The following LY75 variants were observed in gnomAD, a reference collection of about 807,000 sequenced individuals.
LY75 encodes the protein C-type lectin domain family 13 member B.
LY75 carries 185 observed loss-of-function variants against 231.7 expected under a neutral mutation model. The observed-to-expected ratio is 0.80, with a 90% confidence interval of 0.71 to 0.90. LY75 has a LOEUF of 0.90. LY75 is among the 40% of genes least tolerant of loss of function. LY75 has a pLI of 0.00. For missense variants in LY75, 1,947 were observed against 2,050.2 expected, an observed-to-expected ratio of 0.95 and a Z score of 0.97; for synonymous variants, 668 against 689.0, an observed-to-expected ratio of 0.97 and a Z score of 0.48.
In LY75 at chr2:159,840,850, C is replaced by A. The variant is rs1684002948; in HGVS notation, c.3386G>T (p.Arg1129Met). The A allele has an allele frequency of 6.2e-7, 1 of 1,614,076 alleles. No homozygotes were observed. The highest frequency in any genetic ancestry group is 8.5e-7 in the Non-Finnish European group (1 of 1,179,976). Reference protein sequence around the residue: ...PKTLTWHSAKRECLKSNMQLV... With the variant: ...PKTLTWHSAKMECLKSNMQLV... Reference sequence around the variant, plus strand: ...CTGCATGTTACTTTTCAGACACTCCCTTTTAGCACTGTGCCAAGTCAGAGT... The same window carrying A: ...CTGCATGTTACTTTTCAGACACTCCATTTTAGCACTGTGCCAAGTCAGAGT... Residue 1129 changes from arginine to methionine, a missense_variant, in exon 25 of 35, where the codon AGG (arginine) becomes ATG (methionine). By Grantham distance (91) the Arg-to-Met change is moderately conservative. Transcript: ENST00000263636.
At chr2:159,875,689 T>C (rs776508459) in intron 11 of LY75, 46 bp from the exon 12 acceptor site, 81 of 1,604,500 alleles carry the variant, frequency 5.0e-5, no homozygotes, top group Non-Finnish European at 6.7e-5. Context: ...AACGTTAAAG[T>C]TCAAACATTT....
At chr2:159,854,252 TA>T (rs1684482679) in intron 18 of LY75, 107 bp downstream of exon 18, 1 of 865,542 alleles carries the variant, frequency 1.2e-6, no homozygotes, top group Admixed American at 4.2e-5. Context: ...GATTTTACAT[TA>T]AAGAAAAATT....
At position 159,805,195 on chromosome 2, in the gene LY75, A is replaced by G; in HGVS notation, c.5018T>C (p.Ile1673Thr). The G allele has an allele frequency of 3.1e-6, 5 of 1,614,142 alleles. No individual in the cohort carries two copies. The highest frequency in any genetic ancestry group is 1.6e-4 in the Middle Eastern group (1 of 6,062). Residue 1673 changes from isoleucine to threonine, a missense_variant, in exon 35 of 35, where the codon ATA becomes ACA. Physicochemically the swap from Ile to Thr is moderately conservative, Grantham distance 89. Transcript: ENST00000263636. ...AACTAAGATACTTAGTGTGGCAACT[A>G]TGATAGCTATTGCTGTGTAATCAGG... The part of the protein sequence containing the change: ...LGPDYTAIAI[I>T]VATLSILVLM...
intron 16 of LY75, among the ~76,000 whole-genome samples, chr2:159,855,354 T>C (rs1439758013): frequency 1.3e-5 from 2 of 152,198 alleles, no homozygotes; most frequent in Non-Finnish European, 2.9e-5. Context: ...CACTTCTGCA[T>C]CTAATGAAAC....
chr2:159,810,447 T>C, intron 32 of LY75, 79 bp downstream of exon 32: 1 of 1,540,096 alleles, frequency 6.5e-7, no homozygotes, highest in Non-Finnish European at 8.8e-7. Context: ...AAAAATACAA[T>C]CATTGCTTCA....
At position 159,810,686 on chromosome 2, in the gene LY75, G is replaced by A. The variant is rs369513798; in HGVS notation, c.4550-11C>T. On this transcript the variant is annotated splice_polypyrimidine_tract_variant and intron_variant, in intron 31 of 34. Coordinates refer to ENST00000263636, the MANE Select transcript of LY75 (RefSeq NM_002349.4). ...GGGACAGCTTTTTAGCTATAAAAAT[G>A]TTAGACACAGTTGTAACAATGCATG... 5 of 1,606,910 alleles carry A rather than the reference G, an allele frequency of 3.1e-6. No individual in the cohort carries two copies. The African/African-American group carries it at 5.4e-5, about 17-fold the overall frequency.
intron 1 of LY75, chr2:159,902,650 T>C (rs1331476733): frequency 3.3e-5 from 5 of 152,222 alleles, no homozygotes; most frequent in Non-Finnish European, 7.3e-5. Flanking sequence ...GTCTCTACCA[T>C]GTGTTCGGAA....
chr2:159,824,022 A>AT, intron 28 of LY75, among the ~76,000 whole-genome samples: 1 of 152,226 alleles, frequency 6.6e-6, no homozygotes, highest in Admixed American at 6.5e-5. Flanking sequence ...CATTCACACT[A>AT]TGAAGAAACT....
intron 28 of LY75, among the ~76,000 whole-genome samples, chr2:159,828,896 C>T (rs949558382): frequency 6.6e-5 from 10 of 152,000 alleles, no homozygotes; most frequent in South Asian, 6.2e-4. Context: ...GCCAGTCACA[C>T]GCAAAAAGCA....
intron 23 of LY75, among the ~76,000 whole-genome samples, chr2:159,846,226 AAC>A (rs1254895424): frequency 6.6e-6 from 1 of 151,848 alleles, no homozygotes. Context: ...GGAAAAAAAA[AAC>A]ACACAAAAAA....
chr2:159,875,172 A>G (rs749798147), intron 12 of LY75, among the ~76,000 whole-genome samples: 9 of 151,804 alleles, frequency 5.9e-5, no homozygotes, highest in Admixed American at 1.3e-4. Flanking sequence ...GCAGTATGGC[A>G]TATAGTACAC....
At position 159,875,618 on chromosome 2, in the gene LY75, CAT is replaced by C. The variant is rs758759130; in HGVS notation, c.1798_1799del (p.Met600ValfsTer33). The C allele has an allele frequency of 1.9e-5, 30 of 1,613,784 alleles. No homozygotes were observed. In the Middle Eastern group the frequency reaches 1.3e-3, roughly 71 times the overall value. On this transcript the variant is annotated frameshift_variant, in exon 12 of 35. Coordinates refer to ENST00000263636, the MANE Select transcript of LY75 (RefSeq NM_002349.4). LOFTEE classifies it high-confidence loss of function. ...EPASPGGCVA[M>X]STGKSVGKWE... ...ACTTTCCAACAGACTTTCCAGTAGACATAGCCACGCAGCCGCCCGGGGAAGCT... is the reference window on the plus strand; with the variant it reads ...ACTTTCCAACAGACTTTCCAGTAGACAGCCACGCAGCCGCCCGGGGAAGCT...
intron 26 of LY75, among the ~76,000 whole-genome samples, 156 bp downstream of exon 26, chr2:159,835,324 G>A (rs1000070654): frequency 6.6e-6 from 1 of 151,978 alleles, no homozygotes; most frequent in Non-Finnish European, 1.5e-5. Context: ...AATTCTACTT[G>A]AATACAAATT....
intron 25 of LY75, among the ~76,000 whole-genome samples, chr2:159,837,540 G>A (rs941504348): frequency 6.6e-5 from 10 of 152,154 alleles, no homozygotes; most frequent in Admixed American, 6.5e-4. Context: ...ATTGGGTACT[G>A]TGTTCACTAT....
intron 12 of LY75, among the ~76,000 whole-genome samples, chr2:159,874,300 A>AAT (rs376406974): frequency 8.9e-5 from 9 of 100,580 alleles, no homozygotes; most frequent in African/African-American, 1.5e-4. Flanking sequence ...ATGTTTTGTA[A>AAT]ATATATAAAT....
intron 24 of LY75, 80 bp from the exon 25 acceptor site, chr2:159,841,035 T>TCCC: frequency 6.4e-7 from 1 of 1,554,416 alleles, no homozygotes; most frequent in South Asian, 1.2e-5. Context: ...TTCACATTTC[T>TCCC]CCCCATACTA....
In LY75 at chr2:159,904,698, G is replaced by A; in HGVS notation, c.-16C>T. On this transcript the variant is annotated 5_prime_UTR_variant, in exon 1 of 35. Coordinates refer to ENST00000263636, the MANE Select transcript of LY75 (RefSeq NM_002349.4). ...CTGTCCTCATCCTGAGCTGGCGCAA[G>A]CCTTCCGGCCGGGTCCTCGGGCGCA... is the stretch of plus-strand genomic sequence containing the variant. 7.1e-7 allele frequency: 1 copy of A among 1,414,640 alleles called. No individual in the cohort carries two copies. Among genetic ancestry groups the A allele is most frequent in the South Asian group, 1.5e-5 (1 of 67,522 alleles). The allele number at this position is 1,414,640 out of a possible 1,614,324, so 87.6% of individuals were successfully genotyped here. A position where few individuals can be genotyped will look rare whatever the true frequency, so the allele number is the denominator to read the frequency against.
At position 159,850,791 on chromosome 2, in the gene LY75, T is replaced by A. The variant is rs2467479; in HGVS notation, c.2884-324A>T. Among the ~76,000 whole-genome samples the A allele has an allele frequency of 9.0e-4, 85 of 94,380 alleles. 1 individual carries two copies. Among genetic ancestry groups the A allele is most frequent in the Middle Eastern group, 4.7e-3 (1 of 214 alleles). The allele number at this position is 94,380 out of a possible 152,430, so 61.9% of individuals were successfully genotyped here. A position where few individuals can be genotyped will look rare whatever the true frequency, so the allele number is the denominator to read the frequency against. ...AAACTTTCATATATATATATATATA[T>A]ATATATATTATATCTTATATATAAG... On this transcript the variant is annotated intron_variant, in intron 21 of 34. Transcript: ENST00000263636.
At position 159,878,341 on chromosome 2, in the gene LY75, C is replaced by A; in HGVS notation, c.1757G>T (p.Trp586Leu). Residue 586 changes from tryptophan (W) to leucine (L), a missense_variant, in exon 11 of 35, where the codon TGG becomes TTG. Transcript: ENST00000263636. The stretch of plus-strand genomic sequence containing the variant: ...ACACTCACCTGGCTCAAGAAAATTC[C>A]AGTTGGAAAAGGTTACAGCCCGCCT... Reference protein sequence around the residue: ...GRRRAVTFSNWNFLEPASPGG... With the variant: ...GRRRAVTFSNLNFLEPASPGG... 1 of 1,613,814 alleles carries A rather than the reference C, an allele frequency of 6.2e-7. No individual in the cohort carries two copies. Among genetic ancestry groups the A allele is most frequent in the Non-Finnish European group, 8.5e-7 (1 of 1,179,912 alleles).
Sources: allele counts gnomAD v4.1 joint callset (sites outside exome capture counted in the v4.1 genomes callset), GRCh38; gene constraint gnomAD v4.1.1; transcripts MANE v1.5; gene names NCBI Gene and HGNC (gene_info 2026-07-23, HGNC 2026-07-21).